CACNA1B: variants seen among roughly 807,000 people sequenced by gnomAD.
CACNA1B encodes calcium voltage-gated channel subunit alpha1 B.
In CACNA1B, 70 loss-of-function variants were observed where a neutral mutation model predicts 247.2. That is an observed-to-expected ratio of 0.28 (90% CI 0.23 to 0.35). The LOEUF (loss-of-function observed/expected upper bound fraction) is 0.35, where lower values mean the gene tolerates loss of function less well. Ranked by LOEUF, CACNA1B falls within the 10% of genes least tolerant of loss-of-function variation. The pLI is 1.00. For synonymous variants in CACNA1B, 1,231 were observed against 1,294.4 expected (o/e 0.95, Z 1.05); for missense variants, 2,367 against 3,197.4 (o/e 0.74, Z 6.26).
chr9:137,992,611 T>C (rs1958444499), intron 15 of CACNA1B, among the ~76,000 whole-genome samples: 1 of 150,756 alleles, frequency 6.6e-6, no homozygotes, highest in Non-Finnish European at 1.5e-5. Context: ...TTACAGAGCA[T>C]TCTACCCAAC....
chr9:138,046,111 A>G (rs1420002937), intron 21 of CACNA1B, among the ~76,000 whole-genome samples: 1 of 152,188 alleles, frequency 6.6e-6, no homozygotes, highest in Non-Finnish European at 1.5e-5. Context: ...TGCCAGTAGC[A>G]GGGAGGCCCC....
chr9:138,118,895 C>A, intron 44 of CACNA1B, 127 bp downstream of exon 44: 1 of 611,514 alleles, frequency 1.6e-6, no homozygotes, highest in Non-Finnish European at 2.9e-6. Flanking sequence ...ATGTGTGGAG[C>A]TCTTTGCTGA....
At chr9:138,037,534 C>T (rs1010126965) in intron 20 of CACNA1B, among the ~76,000 whole-genome samples, 1 of 152,180 alleles carries the variant, frequency 6.6e-6, no homozygotes, top group Non-Finnish European at 1.5e-5. Flanking sequence ...TGGCAAGCGC[C>T]TGTAATTCCA....
At chr9:137,959,720 G>C (rs1244712934) in intron 10 of CACNA1B, among the ~76,000 whole-genome samples, 1 of 152,284 alleles carries the variant, frequency 6.6e-6, no homozygotes, top group Non-Finnish European at 1.5e-5. Context: ...CGCCTGTGTC[G>C]AGTGCTTGTG....
At chr9:137,947,193 A>C (rs997108470) in intron 6 of CACNA1B, among the ~76,000 whole-genome samples, 1 of 152,228 alleles carries the variant, frequency 6.6e-6, no homozygotes, top group Non-Finnish European at 1.5e-5. Context: ...GAAGTTATAA[A>C]GTTAAACCCT....
chr9:137,921,697 C>G (rs1209863676), intron 6 of CACNA1B, among the ~76,000 whole-genome samples: 4 of 74,238 alleles, frequency 5.4e-5, no homozygotes, highest in Non-Finnish European at 1.0e-4. Context: ...TCGGAGAACA[C>G]GATCAGCACC....
chr9:137,991,831 G>A (rs1007321495), intron 15 of CACNA1B, among the ~76,000 whole-genome samples: 8 of 152,168 alleles, frequency 5.3e-5, no homozygotes, highest in African/African-American at 1.4e-4. Context: ...TTTGTGTCCA[G>A]TGAAACTAAG....
At chr9:138,111,953 T>C (rs1019491490) in intron 39 of CACNA1B, among the ~76,000 whole-genome samples, 1 of 146,600 alleles carries the variant, frequency 6.8e-6, no homozygotes, top group African/African-American at 2.5e-5. Context: ...TTTTTTTTTT[T>C]ACTTATTACT....
At chr9:138,103,115 C>T (rs1315478554) in intron 38 of CACNA1B, among the ~76,000 whole-genome samples, 1 of 152,230 alleles carries the variant, frequency 6.6e-6, no homozygotes, top group Middle Eastern at 3.2e-3. Context: ...CCTTTTCTCC[C>T]TCCCTTCCTT....
In CACNA1B at chr9:138,032,853, G is replaced by T. The variant is rs990906161; in HGVS notation, c.3286+7681G>T. On this transcript the variant is annotated intron_variant, in intron 20 of 46. Coordinates refer to ENST00000371372, the MANE Select transcript of CACNA1B (RefSeq NM_000718.4). ...CAGAAGTTTGATTACAGTGTGCTTTGATGTGAGTTCCTTTAAGTTTATCTT... is the reference window on the plus strand; with the variant it reads ...CAGAAGTTTGATTACAGTGTGCTTTTATGTGAGTTCCTTTAAGTTTATCTT... The T allele has an allele frequency of 2.1e-5, 7 of 336,632 alleles. No individual in the cohort carries two copies. In the East Asian group the frequency reaches 4.7e-4, roughly 23 times the overall value. 20.9% of individuals were successfully genotyped at this position (336,632 alleles called of 1,614,324 possible).
chr9:138,107,723 G>C (rs193146434), intron 39 of CACNA1B, among the ~76,000 whole-genome samples: 1 of 152,100 alleles, frequency 6.6e-6, no homozygotes, highest in East Asian at 1.9e-4. Flanking sequence ...AGTGGCTCAC[G>C]TCTGTAGTCC....
intron 39 of CACNA1B, among the ~76,000 whole-genome samples, chr9:138,111,460 A>G (rs766395760): frequency 6.6e-6 from 1 of 152,184 alleles, no homozygotes; most frequent in African/African-American, 2.4e-5. Flanking sequence ...TAGGGACCCA[A>G]AACACATCAG....
Position 137,917,232 on chromosome 9 carries a change from T to C in CACNA1B, c.776-9T>C, listed in dbSNP as rs199722206. ...GAGCTCAGGGTCTGCTTCATTCTCC[T>C]TCTTGCAGATGCGGAGCCCGTGGGT... On this transcript the variant is annotated splice_polypyrimidine_tract_variant and intron_variant, in intron 5 of 46. Transcript: ENST00000371372. This position sits in a 1 kb window ranked among gnomAD's most constrained non-coding sequence, Gnocchi z 5.5. 174 of 1,609,108 alleles carry C rather than the reference T, an allele frequency of 1.1e-4. No individual in the cohort carries two copies. In the African/African-American group the frequency reaches 1.9e-3, roughly 18 times the overall value.
At chr9:138,115,867 CA>C (rs947287279) in intron 42 of CACNA1B, among the ~76,000 whole-genome samples, 188 bp downstream of exon 42, 5 of 152,240 alleles carry the variant, frequency 3.3e-5, no homozygotes, top group African/African-American at 1.2e-4. Flanking sequence ...AGCAACCCTC[CA>C]AGGACAGAGA....
chr9:138,070,856 G>T (rs1179305827), intron 32 of CACNA1B, among the ~76,000 whole-genome samples: 1 of 152,230 alleles, frequency 6.6e-6, no homozygotes, highest in African/African-American at 2.4e-5. Flanking sequence ...TCAATTGTCA[G>T]TCTCATTAGA....
At position 138,024,941 on chromosome 9, in the gene CACNA1B, A is replaced by T; in HGVS notation, c.3069-14A>T. The stretch of plus-strand genomic sequence containing the variant: ...GCCACTGCGCCGAGGCCTGATGTAC[A>T]TTCTTGATTGCAGGGAGCCACACTG... On this transcript the variant is annotated splice_polypyrimidine_tract_variant and intron_variant, in intron 19 of 46. Transcript: ENST00000371372. The T allele has an allele frequency of 6.4e-7, 1 of 1,554,006 alleles. No individual in the cohort carries two copies. The highest frequency in any genetic ancestry group is 8.7e-7 in the Non-Finnish European group (1 of 1,145,922).
chr9:137,893,389 G>C (rs1276151840), intron 3 of CACNA1B, among the ~76,000 whole-genome samples: 1 of 149,668 alleles, frequency 6.7e-6, no homozygotes, highest in African/African-American at 2.5e-5. Flanking sequence ...GGTGGCTCAT[G>C]CCTGTAATCC....
intron 23 of CACNA1B, among the ~76,000 whole-genome samples, chr9:138,048,703 A>G (rs901864437): frequency 2.0e-5 from 3 of 152,054 alleles, no homozygotes; most frequent in African/African-American, 7.2e-5. Context: ...AGCTCTGCCT[A>G]TCTTTCTAGG....
chr9:138,092,662 C>T (rs997666415), intron 36 of CACNA1B, among the ~76,000 whole-genome samples: 8 of 152,186 alleles, frequency 5.3e-5, no homozygotes, highest in Non-Finnish European at 8.8e-5. Flanking sequence ...AAAGTAAAGA[C>T]AGGCATAGGA....
Sources: gnomAD v4.1 joint callset for allele counts (sites outside exome capture counted in the v4.1 genomes callset) on GRCh38, gnomAD v4.1.1 for gene constraint, Gnocchi (gnomAD v3.1) non-coding constraint, MANE v1.5 for transcripts, NCBI Gene and HGNC (gene_info 2026-07-23, HGNC 2026-07-21) for gene names.